The following AFG1L variants were observed in gnomAD, a reference collection of about 807,000 sequenced individuals.
AFG1L encodes AFG1-like ATPase.
AFG1L carries 53 observed loss-of-function variants against 62.2 expected under a neutral mutation model. The observed-to-expected ratio is 0.85, with a 90% CI of 0.68 to 1.07. The LOEUF is 1.07. Among genes scored for constraint, AFG1L ranks in the 50% least tolerant of loss-of-function variants. AFG1L has a pLI of 0.00. For synonymous variants in AFG1L, 228 were observed against 210.3 expected (o/e 1.08, Z -0.73); for missense variants, 555 against 590.5 (o/e 0.94, Z 0.62).
chr6:108,347,233 C>G (rs1000013425), intron 3 of AFG1L, among the ~76,000 whole-genome samples, 194 bp downstream of exon 3: 7 of 152,088 alleles, frequency 4.6e-5, no homozygotes, highest in African/African-American at 1.7e-4. Context: ...CAGGATACAG[C>G]TGTAGTCTAG....
intron 6 of AFG1L, among the ~76,000 whole-genome samples, chr6:108,396,816 G>A (rs1316852919): frequency 3.9e-5 from 6 of 151,934 alleles, no homozygotes; most frequent in South Asian, 2.1e-4. Context: ...TCTTTATGAG[G>A]TATGTGAGAT....
intron 10 of AFG1L, among the ~76,000 whole-genome samples, chr6:108,479,388 C>T (rs1384674490): frequency 6.6e-6 from 1 of 151,974 alleles, no homozygotes; most frequent in African/African-American, 2.4e-5. Flanking sequence ...AGTGAGTTTG[C>T]ATGGACAGGT....
chr6:108,313,236 C>T (rs558861550), intron 1 of AFG1L, among the ~76,000 whole-genome samples: 27 of 152,206 alleles, frequency 1.8e-4, no homozygotes, highest in African/African-American at 6.5e-4. Flanking sequence ...TCCTGCCTTC[C>T]TACTATACTG....
intron 7 of AFG1L, among the ~76,000 whole-genome samples, chr6:108,411,328 C>G (rs1326716373): frequency 6.6e-6 from 1 of 152,210 alleles, no homozygotes; most frequent in Non-Finnish European, 1.5e-5. Context: ...GACTCCACCT[C>G]TGGGGGCAGG....
intron 10 of AFG1L, among the ~76,000 whole-genome samples, chr6:108,485,566 T>G (rs1372800724): frequency 7.0e-6 from 1 of 143,074 alleles, no homozygotes; most frequent in Non-Finnish European, 1.5e-5. Context: ...GAGAGGAATA[T>G]GTCATTCATT....
intron 6 of AFG1L, among the ~76,000 whole-genome samples, chr6:108,400,437 A>G (rs961411377): frequency 1.0e-4 from 15 of 150,582 alleles, no homozygotes. Context: ...TTCGGCATCA[A>G]TTGAAATTAT....
intron 1 of AFG1L, among the ~76,000 whole-genome samples, chr6:108,321,185 A>G (rs2114289239): frequency 6.6e-6 from 1 of 152,258 alleles, no homozygotes; most frequent in African/African-American, 2.4e-5. Context: ...GGCAACTACA[A>G]ATTTGGGAAT....
At chr6:108,344,926 G>C (rs1778810105) in intron 2 of AFG1L, 2 of 395,660 alleles carry the variant, frequency 5.1e-6, no homozygotes. Flanking sequence ...CTCTGGACCT[G>C]ACTGCTTTCC....
At chr6:108,509,116 G>A (rs1392331880) in intron 10 of AFG1L, among the ~76,000 whole-genome samples, 1 of 152,238 alleles carries the variant, frequency 6.6e-6, no homozygotes, top group Non-Finnish European at 1.5e-5. Flanking sequence ...AAAATGAGCA[G>A]AGGTAACATT....
intron 8 of AFG1L, among the ~76,000 whole-genome samples, chr6:108,471,060 G>A (rs1420099953): frequency 6.6e-6 from 1 of 151,986 alleles, no homozygotes; most frequent in Non-Finnish European, 1.5e-5. Context: ...AATCTTGGTC[G>A]ACCAGCATCT....
At chr6:108,313,771 C>T (rs1056277058) in intron 1 of AFG1L, among the ~76,000 whole-genome samples, 1 of 152,166 alleles carries the variant, frequency 6.6e-6, no homozygotes, top group South Asian at 2.1e-4. Flanking sequence ...AACTCCTGGA[C>T]TCCAGTGATC....
rs1262092166 is a variant in AFG1L, at chr6:108,466,753, TTG to T, written c.891-10110_891-10109del. ...TATATATATATTTTTTAAAATATAT[TTG>T]TTAAAATATATATATTTTAAAAAAT... On this transcript the variant is annotated intron_variant, in intron 8 of 12. Coordinates refer to ENST00000368977, the MANE Select transcript of AFG1L (RefSeq NM_145315.5). 2.0e-4 allele frequency among the ~76,000 whole-genome samples: 4 copies of T among 20,042 alleles called. No homozygotes were observed. The African/African-American group carries it at 6.0e-3, about 30-fold the overall frequency. 13.1% of individuals were successfully genotyped at this position (20,042 alleles called of 152,430 possible).
chr6:108,348,718 A>G (rs1026542869), intron 3 of AFG1L, among the ~76,000 whole-genome samples: 8 of 152,208 alleles, frequency 5.3e-5, no homozygotes, highest in African/African-American at 1.7e-4. Context: ...ACCTTTGGGC[A>G]CCATTAATGA....
intron 6 of AFG1L, among the ~76,000 whole-genome samples, chr6:108,371,948 G>A (rs1469804520): frequency 2.7e-5 from 4 of 149,484 alleles, no homozygotes; most frequent in African/African-American, 9.9e-5. Context: ...TGTAGAGTTA[G>A]GGTCTCATTA....
At chr6:108,415,465 A>G (rs1480532446) in intron 7 of AFG1L, among the ~76,000 whole-genome samples, 1 of 152,164 alleles carries the variant, frequency 6.6e-6, no homozygotes, top group African/African-American at 2.4e-5. Flanking sequence ...CATTGCCAAG[A>G]CACCCTAAGC....
At chr6:108,383,015 A>G (rs1026648347) in intron 6 of AFG1L, among the ~76,000 whole-genome samples, 3 of 152,352 alleles carry the variant, frequency 2.0e-5, no homozygotes, top group Middle Eastern at 3.4e-3. Context: ...AGGTGGGTGG[A>G]TCACTTGAGG....
intron 6 of AFG1L, chr6:108,387,821 C>G (rs981244270): frequency 6.6e-6 from 1 of 152,140 alleles, no homozygotes; most frequent in African/African-American, 2.4e-5. Flanking sequence ...GAGAAAGATG[C>G]TACAGACTGC....
chr6:108,493,052 A>G (rs991663557), intron 10 of AFG1L, among the ~76,000 whole-genome samples: 1 of 152,180 alleles, frequency 6.6e-6, no homozygotes, highest in Non-Finnish European at 1.5e-5. Flanking sequence ...TTATTAGGCT[A>G]AATGCTTACT....
chr6:108,449,175 A>ATG (rs1238269802), intron 8 of AFG1L, among the ~76,000 whole-genome samples: 1 of 151,266 alleles, frequency 6.6e-6, no homozygotes, highest in Non-Finnish European at 1.5e-5. Context: ...ATATATATAT[A>ATG]TAAGTGTATA....
Sources: gnomAD v4.1 joint callset for allele counts (sites outside exome capture counted in the v4.1 genomes callset) on GRCh38, gnomAD v4.1.1 for gene constraint, MANE v1.5 for transcripts, NCBI Gene and HGNC (gene_info 2026-07-23, HGNC 2026-07-21) for gene names.